Variants in IPO11 observed in about 807,000 individuals in gnomAD.
IPO11 encodes the protein importin 11.
A neutral mutation model predicts 143.2 loss-of-function variants in IPO11; 66 were observed. The ratio of observed to expected loss-of-function variants is 0.46; its 90% CI spans 0.38 to 0.57. The LOEUF is 0.57. Among genes scored for constraint, IPO11 ranks in the 20% least tolerant of loss-of-function variants. The probability of loss-of-function intolerance (pLI) is 0.00; values close to 1 mark genes in which losing one functional copy is unlikely to be tolerated. For synonymous variants in IPO11, 385 were observed against 377.8 expected, an observed-to-expected ratio of 1.02 and a Z score of -0.22; for missense variants, 1,026 against 1,141.0, an observed-to-expected ratio of 0.90 and a Z score of 1.45.
Position 62,609,856 on chromosome 5 carries a change from G to T in IPO11, c.2763+8008G>T, listed in dbSNP as rs562576960. Among the ~76,000 whole-genome samples, 10 of 152,354 alleles carry T rather than the reference G, an allele frequency of 6.6e-5. No individual in the cohort carries two copies. The South Asian group carries it at 1.9e-3, about 28-fold the overall frequency. ...CTGCAAGGGTTGCTTCTGAAAATGA[G>T]GTTCTAACTGTTGTGTGTCCAGGTG... On this transcript the variant is annotated intron_variant, in intron 29 of 29. Coordinates refer to ENST00000325324, the MANE Select transcript of IPO11 (RefSeq NM_016338.5).
At chr5:62,428,776 C>T (rs889279704) in intron 1 of IPO11, among the ~76,000 whole-genome samples, 4 of 152,240 alleles carry the variant, frequency 2.6e-5, no homozygotes, top group Admixed American at 2.0e-4. Flanking sequence ...CACACTCAGC[C>T]TCCTGAGTAG....
chr5:62,494,944 C>T lies in IPO11; in HGVS notation c.1590+820C>T, dbSNP rs12518107. Among the ~76,000 whole-genome samples, 1,123 of 152,026 alleles carry T rather than the reference C, an allele frequency of 7.4e-3. 18 individuals are homozygous for T. The highest frequency in any genetic ancestry group is 0.036 in the Admixed American group (544 of 15,256). On this transcript the variant is annotated intron_variant, in intron 16 of 29. Transcript: ENST00000325324. ...CCCAAATTTTATTTTTAGTTTGAAC[C>T]CACCTGGTTTTTGCCTGTCAGCAGA...
intron 5 of IPO11, among the ~76,000 whole-genome samples, chr5:62,457,305 T>C (rs1338263504): frequency 6.6e-6 from 1 of 151,858 alleles, no homozygotes; most frequent in Non-Finnish European, 1.5e-5. Flanking sequence ...CTAGGCAACA[T>C]AGTGAGATCC....
intron 27 of IPO11, among the ~76,000 whole-genome samples, chr5:62,564,365 T>C (rs1341037948): frequency 6.6e-6 from 1 of 152,166 alleles, no homozygotes; most frequent in Admixed American, 6.5e-5. Context: ...AGTTAGGGGG[T>C]ATTTTTCCTC....
intron 29 of IPO11, among the ~76,000 whole-genome samples, chr5:62,623,566 C>T (rs1055997439): frequency 7.3e-5 from 11 of 151,666 alleles, no homozygotes; most frequent in Admixed American, 7.2e-4. Flanking sequence ...AAAAGAATGG[C>T]TACTCCATAG....
intron 1 of IPO11, among the ~76,000 whole-genome samples, chr5:62,429,815 G>A (rs889628724): frequency 2.0e-5 from 3 of 151,886 alleles, no homozygotes; most frequent in South Asian, 4.1e-4. Flanking sequence ...AGTAGAGTTG[G>A]GGTTTCACCG....
At chr5:62,586,983 T>G (rs1334182984) in intron 27 of IPO11, among the ~76,000 whole-genome samples, 2 of 151,642 alleles carry the variant, frequency 1.3e-5, no homozygotes, top group African/African-American at 4.8e-5. Flanking sequence ...AGCTGAATTT[T>G]TTTTTTTTCC....
intron 27 of IPO11, among the ~76,000 whole-genome samples, chr5:62,571,688 CTT>C (rs545817315): frequency 2.1e-4 from 29 of 140,738 alleles, no homozygotes; most frequent in Admixed American, 3.6e-4. Context: ...CATTATTAAA[CTT>C]TTTTTTTTTT....
intron 1 of IPO11, among the ~76,000 whole-genome samples, chr5:62,418,361 C>A (rs1023489437): frequency 6.6e-6 from 1 of 152,202 alleles, no homozygotes; most frequent in Non-Finnish European, 1.5e-5. Context: ...GTATGTTGGT[C>A]AGGCTGATCT....
chr5:62,515,878 G>T (rs1479419449), intron 20 of IPO11, among the ~76,000 whole-genome samples: 1 of 152,030 alleles, frequency 6.6e-6, no homozygotes. Context: ...ATTATAACTT[G>T]GTAAGGCAGG....
At chr5:62,505,534 A>C (rs1271088064) in intron 18 of IPO11, among the ~76,000 whole-genome samples, 7 of 152,130 alleles carry the variant, frequency 4.6e-5, no homozygotes, top group Non-Finnish European at 7.4e-5. Flanking sequence ...TTGCTTTAAT[A>C]AAATAATCAC....
intron 9 of IPO11, among the ~76,000 whole-genome samples, chr5:62,477,411 G>A (rs371503005): frequency 1.3e-5 from 2 of 152,156 alleles, no homozygotes; most frequent in African/African-American, 2.4e-5. Context: ...TAGGGTAGGG[G>A]TTGCTTATTC....
At chr5:62,444,186 C>T (rs575158715) in intron 3 of IPO11, among the ~76,000 whole-genome samples, 5 of 151,392 alleles carry the variant, frequency 3.3e-5, no homozygotes, top group African/African-American at 9.7e-5. Context: ...AGCTCTGCCT[C>T]ACGGGTTCAG....
intron 15 of IPO11, among the ~76,000 whole-genome samples, chr5:62,491,969 T>C (rs963309878): frequency 6.6e-6 from 1 of 152,132 alleles, no homozygotes; most frequent in Non-Finnish European, 1.5e-5. Context: ...ATAATGTGGG[T>C]ACTAAAAAAT....
At chr5:62,550,060 A>T (rs1019109391) in intron 24 of IPO11, among the ~76,000 whole-genome samples, 3 of 152,208 alleles carry the variant, frequency 2.0e-5, no homozygotes, top group Admixed American at 1.3e-4. Context: ...TTATTTGTTT[A>T]CATTGCAAGG....
intron 27 of IPO11, among the ~76,000 whole-genome samples, chr5:62,576,762 G>A (rs936750313): frequency 2.6e-5 from 4 of 152,196 alleles, no homozygotes; most frequent in African/African-American, 4.8e-5. Flanking sequence ...CAACCCAGCC[G>A]ACAGAGCAAG....
chr5:62,532,786 G>A (rs571367095), intron 22 of IPO11, among the ~76,000 whole-genome samples: 39 of 152,160 alleles, frequency 2.6e-4, no homozygotes, highest in Admixed American at 9.2e-4. Flanking sequence ...TTGCTAGTAT[G>A]TTTAGTACTA....
intron 29 of IPO11, among the ~76,000 whole-genome samples, chr5:62,613,722 T>C (rs1246451562): frequency 6.6e-6 from 1 of 152,182 alleles, no homozygotes; most frequent in Non-Finnish European, 1.5e-5. Context: ...CAAGTCTCGA[T>C]TATAAGATAG....
chr5:62,594,446 C>G (rs1288290882), intron 28 of IPO11, among the ~76,000 whole-genome samples: 2 of 152,110 alleles, frequency 1.3e-5, no homozygotes, highest in Non-Finnish European at 2.9e-5. Context: ...GTACAGTGTC[C>G]CAGCTTGAAG....
Sources: allele counts gnomAD v4.1 joint callset (sites outside exome capture counted in the v4.1 genomes callset), GRCh38; gene constraint gnomAD v4.1.1; transcripts MANE v1.5; gene names NCBI Gene and HGNC (gene_info 2026-07-23, HGNC 2026-07-21).